PPP6R3: variants seen among roughly 807,000 people sequenced by gnomAD.
PPP6R3 encodes serine/threonine-protein phosphatase 6 regulatory subunit 3.
Under a neutral mutation model 110.7 loss-of-function variants are expected in PPP6R3, and 38 were observed. That is an observed-to-expected ratio of 0.34 (90% CI 0.26 to 0.45). The LOEUF (loss-of-function observed/expected upper bound fraction) is 0.45, where lower values mean the gene tolerates loss of function less well. Ranked by LOEUF, PPP6R3 falls within the 20% of genes least tolerant of loss-of-function variation. PPP6R3 has a pLI of 1.00. For synonymous variants in PPP6R3, 369 were observed against 373.5 expected, an observed-to-expected ratio of 0.99 and a Z score of 0.14; for missense variants, 870 against 1,062.4, an observed-to-expected ratio of 0.82 and a Z score of 2.52.
chr11:68,566,575 G>A (rs955542731), intron 9 of PPP6R3, among the ~76,000 whole-genome samples: 3 of 152,030 alleles, frequency 2.0e-5, no homozygotes, highest in Non-Finnish European at 4.4e-5. Flanking sequence ...TGCCCAGGCT[G>A]GTCTCAAACT....
chr11:68,520,026 G>A (rs963632337), intron 2 of PPP6R3, among the ~76,000 whole-genome samples: 2 of 152,190 alleles, frequency 1.3e-5, no homozygotes, highest in African/African-American at 2.4e-5. Context: ...TTATACCAGC[G>A]AAAGGACGTT....
Position 68,519,706 on chromosome 11 carries a change from C to T in PPP6R3, c.-7+55C>T, listed in dbSNP as rs889139293. 2.0e-5 allele frequency: 8 copies of T among 397,770 alleles called. No homozygotes were observed. In the Admixed American group the frequency reaches 3.1e-4, roughly 15 times the overall value. 24.6% of individuals were successfully genotyped at this position (397,770 alleles called of 1,614,324 possible). On this transcript the variant is annotated intron_variant, in intron 2 of 23. Coordinates refer to ENST00000393800, the MANE Select transcript of PPP6R3 (RefSeq NM_001164161.2). ...CTTCCATTAATGACATCAAGGAAAGCTGTGGTTCTATTGTGAGACCCTGGA... is the reference window on the plus strand; with the variant it reads ...CTTCCATTAATGACATCAAGGAAAGTTGTGGTTCTATTGTGAGACCCTGGA...
intron 2 of PPP6R3, chr11:68,522,619 A>G (rs2099169473): frequency 6.6e-6 from 1 of 152,256 alleles, no homozygotes; most frequent in African/African-American, 2.4e-5. Flanking sequence ...TGTTGGTGCT[A>G]CTGGTTCAGT....
intron 6 of PPP6R3, 75 bp from the exon 7 acceptor site, chr11:68,554,069 CT>C: frequency 1.8e-6 from 2 of 1,103,554 alleles, no homozygotes; most frequent in Admixed American, 2.4e-5. Context: ...TCTTAAATAA[CT>C]TTCCCTTTCA....
chr11:68,572,538 ACT>A (rs994439233), intron 12 of PPP6R3, among the ~76,000 whole-genome samples: 4 of 151,718 alleles, frequency 2.6e-5, no homozygotes, highest in Admixed American at 2.6e-4. Context: ...ACTAAAAGAG[ACT>A]CTGAGCAACT....
chr11:68,579,282 T>TA (rs2099543951), intron 14 of PPP6R3, among the ~76,000 whole-genome samples: 2 of 152,210 alleles, frequency 1.3e-5, no homozygotes, highest in African/African-American at 4.8e-5. Flanking sequence ...CCTCAGAGTT[T>TA]AACAGTCATT....
chr11:68,592,198 A>T (rs2099597490), intron 18 of PPP6R3, among the ~76,000 whole-genome samples: 1 of 151,950 alleles, frequency 6.6e-6, no homozygotes, highest in African/African-American at 2.4e-5. Context: ...TAAATAAATG[A>T]TGCTTCTGTA....
intron 1 of PPP6R3, among the ~76,000 whole-genome samples, chr11:68,462,769 C>G (rs1002764503): frequency 1.4e-4 from 22 of 152,138 alleles, no homozygotes; most frequent in African/African-American, 5.1e-4. Context: ...CCATGGTGCT[C>G]GAAACCTTGC....
chr11:68,607,035 A>C (rs1424885508), intron 22 of PPP6R3, among the ~76,000 whole-genome samples: 1 of 152,220 alleles, frequency 6.6e-6, no homozygotes, highest in African/African-American at 2.4e-5. Context: ...CCAAGTCTCT[A>C]TAGAGAAATC....
chr11:68,590,570 A>T lies in PPP6R3; in HGVS notation c.1731-90A>T, dbSNP rs1000110851. The T allele has an allele frequency of 3.0e-6, 4 of 1,335,514 alleles. No individual in the cohort carries two copies. In the Admixed American group the frequency reaches 7.4e-5, roughly 25 times the overall value. The allele number at this position is 1,335,514 out of a possible 1,614,324, so 82.7% of individuals were successfully genotyped here. ...TATAGAGATTTTGATGATAGTGTAAATATCTTAAATTTGGAAACTTTCATA... is the reference window on the plus strand; with the variant it reads ...TATAGAGATTTTGATGATAGTGTAATTATCTTAAATTTGGAAACTTTCATA... On this transcript the variant is annotated intron_variant, in intron 16 of 23. Transcript: ENST00000393800.
At chr11:68,592,739 T>C (rs753151026) in intron 18 of PPP6R3, among the ~76,000 whole-genome samples, 5 of 152,158 alleles carry the variant, frequency 3.3e-5, no homozygotes, top group Admixed American at 6.5e-5. Flanking sequence ...AAAAGAAAAA[T>C]ACCTTCATGG....
At chr11:68,462,058 T>C (rs2098711911) in intron 1 of PPP6R3, among the ~76,000 whole-genome samples, 1 of 152,208 alleles carries the variant, frequency 6.6e-6, no homozygotes, top group African/African-American at 2.4e-5. Flanking sequence ...ATGGGAATAA[T>C]AATAAGTGTC....
intron 1 of PPP6R3, among the ~76,000 whole-genome samples, chr11:68,483,551 C>T (rs1041512808): frequency 2.6e-5 from 4 of 151,386 alleles, no homozygotes; most frequent in Admixed American, 1.3e-4. Flanking sequence ...GGTGTGATCT[C>T]GGCTCATTGT....
intron 1 of PPP6R3, among the ~76,000 whole-genome samples, chr11:68,498,020 G>A (rs144623586): frequency 6.6e-6 from 1 of 152,132 alleles, no homozygotes; most frequent in East Asian, 1.9e-4. Flanking sequence ...TTTCCCCACA[G>A]TGTCATCTTC....
At chr11:68,471,071 A>G (rs935888231) in intron 1 of PPP6R3, among the ~76,000 whole-genome samples, 1 of 151,894 alleles carries the variant, frequency 6.6e-6, no homozygotes, top group African/African-American at 2.4e-5. Context: ...TCACAAGGTC[A>G]GGAGATGAGA....
intron 3 of PPP6R3, among the ~76,000 whole-genome samples, chr11:68,542,647 G>T (rs1463514961): frequency 6.6e-6 from 1 of 152,040 alleles, no homozygotes; most frequent in South Asian, 2.1e-4. Context: ...ATCCATCTTG[G>T]CCTCCCAAAG....
intron 13 of PPP6R3, among the ~76,000 whole-genome samples, chr11:68,574,811 A>G (rs1172062828): frequency 1.3e-5 from 2 of 152,234 alleles, no homozygotes; most frequent in Non-Finnish European, 2.9e-5. Flanking sequence ...GCCTTCTTCT[A>G]AAATGAGAGA....
intron 14 of PPP6R3, among the ~76,000 whole-genome samples, chr11:68,579,661 A>G (rs536873957): frequency 1.3e-5 from 2 of 152,386 alleles, no homozygotes; most frequent in African/African-American, 4.8e-5. Flanking sequence ...TGCACACACA[A>G]TATGTGTAAT....
intron 14 of PPP6R3, among the ~76,000 whole-genome samples, chr11:68,577,549 A>G (rs1213003328): frequency 3.9e-5 from 6 of 152,206 alleles, no homozygotes; most frequent in Non-Finnish European, 8.8e-5. Context: ...CTTTTAAACA[A>G]TTGTTTTTAT....
Sources: allele counts gnomAD v4.1 joint callset (sites outside exome capture counted in the v4.1 genomes callset), GRCh38; gene constraint gnomAD v4.1.1; transcripts MANE v1.5; gene names NCBI Gene and HGNC (gene_info 2026-07-23, HGNC 2026-07-21).